The following ANKRD50 variants were observed in gnomAD, a reference collection of about 807,000 sequenced individuals.
ANKRD50 encodes ankyrin repeat domain-containing protein 50.
A neutral mutation model predicts 112.0 loss-of-function variants in ANKRD50; 40 were observed. That is an observed-to-expected ratio of 0.36 (90% CI 0.28 to 0.46). The LOEUF is 0.46. Among genes scored for constraint, ANKRD50 ranks in the 20% least tolerant of loss-of-function variants. The probability of loss-of-function intolerance (pLI) is 1.00; values close to 1 mark genes in which losing one functional copy is unlikely to be tolerated. For missense variants in ANKRD50, 1,487 were observed against 1,701.7 expected, an observed-to-expected ratio of 0.87 and a Z score of 2.22; for synonymous variants, 613 against 619.1, an observed-to-expected ratio of 0.99 and a Z score of 0.15.
intron 3 of ANKRD50, among the ~76,000 whole-genome samples, chr4:124,677,332 A>G (rs1730795671): frequency 6.6e-6 from 1 of 151,790 alleles, no homozygotes; most frequent in Non-Finnish European, 1.5e-5. Context: ...ATGAACAAAT[A>G]TGTTCATGAA....
At chr4:124,682,322 C>CAAAAA (rs36107017) in intron 2 of ANKRD50, among the ~76,000 whole-genome samples, 24 of 87,576 alleles carry the variant, frequency 2.7e-4, no homozygotes, top group African/African-American at 3.6e-4. Flanking sequence ...GACTCCGTCT[C>CAAAAA]AAAAAAAAAA....
chr4:124,669,014 G>A lies in ANKRD50; in HGVS notation c.4263C>T (p.Phe1421=). ...KLQIEGSDPS[F]NYKKETPL ...ATAATGGTGTTTCCTTTTTATAGTT[G>A]AAGCTAGGGTCAGAACCTTCAATCT... The change falls in exon 4 of 5, where the codon TTC becomes TTT. Residue 1421 remains phenylalanine (F), a synonymous_variant. Coordinates refer to ENST00000504087, the MANE Select transcript of ANKRD50 (RefSeq NM_020337.3). 1 of 1,605,090 alleles carries A rather than the reference G, an allele frequency of 6.2e-7. No homozygotes were observed. The highest frequency in any genetic ancestry group is 8.5e-7 in the Non-Finnish European group (1 of 1,177,694).
intron 3 of ANKRD50, among the ~76,000 whole-genome samples, chr4:124,677,097 G>C (rs776846906): frequency 2.6e-5 from 4 of 151,632 alleles, no homozygotes; most frequent in Admixed American, 6.6e-5. Flanking sequence ...TTGACAATAT[G>C]TATTAATAAC....
At chr4:124,685,312 G>A (rs1472969399) in intron 2 of ANKRD50, among the ~76,000 whole-genome samples, 3 of 151,972 alleles carry the variant, frequency 2.0e-5, no homozygotes, top group Non-Finnish European at 4.4e-5. Context: ...GATACTTGAT[G>A]GAAAAAGTTT....
intron 2 of ANKRD50, among the ~76,000 whole-genome samples, chr4:124,709,441 T>G (rs1007374715): frequency 6.6e-6 from 1 of 152,132 alleles, no homozygotes; most frequent in African/African-American, 2.4e-5. Context: ...AAATGTTCGC[T>G]ATTTTATAAA....
chr4:124,672,327 A>C lies in ANKRD50; in HGVS notation c.950T>G (p.Phe317Cys), dbSNP rs1160864694. 1 of 1,613,280 alleles carries C rather than the reference A, an allele frequency of 6.2e-7. No homozygotes were observed. Among genetic ancestry groups the C allele is most frequent in the African/African-American group, 1.3e-5 (1 of 74,844 alleles). Residue 317 changes from phenylalanine (F) to cysteine (C), a missense_variant, in exon 4 of 5, where the codon TTT becomes TGT. Phe to Cys is a radical substitution (Grantham distance 205, BLOSUM62 -2). Transcript: ENST00000504087. ...GTCACGAATTTCTCTTAACATAATA[A>C]AATTTTCTACAACTCCATCTAAAAC... ...ERVLDGVVEN[F>C]IMLREIRDIP...
In ANKRD50 at chr4:124,669,164, G is replaced by A. The variant is rs773870129; in HGVS notation, c.4113C>T (p.Ser1371=). 3 of 1,613,606 alleles carry A rather than the reference G, an allele frequency of 1.9e-6. No homozygotes were observed. In the South Asian group the frequency reaches 3.3e-5, roughly 18 times the overall value. The change falls in exon 4 of 5, where the codon AGC becomes AGT. Residue 1371 remains serine, a synonymous_variant. Coordinates refer to ENST00000504087, the MANE Select transcript of ANKRD50 (RefSeq NM_020337.3). The stretch of plus-strand genomic sequence containing the variant: ...AAACCCTACCAAGAAAAACCTGGTT[G>A]CTCTGAAGATGATAATTTGGATTTG... ...IMTNPNYHLQ[S]NQVFLGRVSV... is the part of the protein sequence containing the mutation.
Position 124,669,859 on chromosome 4 carries a change from T to C in ANKRD50, c.3418A>G (p.Ser1140Gly), listed in dbSNP as rs1481241546. The C allele has an allele frequency of 2.9e-5, 46 of 1,612,838 alleles. No homozygotes were observed. The highest frequency in any genetic ancestry group is 3.9e-5 in the Non-Finnish European group (46 of 1,179,694). ...SLTIKSNSSG[S>G]TGGGDMQPSL... Reference sequence around the variant, plus strand: ...GGCTGCATATCCCCTCCACCAGTACTACCAGAGCTATTTGATTTAATTGTT... The same window carrying C: ...GGCTGCATATCCCCTCCACCAGTACCACCAGAGCTATTTGATTTAATTGTT... Residue 1140 changes from serine (S) to glycine (G), a missense_variant, in exon 4 of 5, where the codon AGT becomes GGT. By Grantham distance (56) the Ser-to-Gly change is moderately conservative. Coordinates refer to ENST00000504087, the MANE Select transcript of ANKRD50 (RefSeq NM_020337.3).
In ANKRD50 at chr4:124,699,813, A is replaced by G. The variant is rs964012506; in HGVS notation, c.512+10187T>C. 5.9e-5 allele frequency among the ~76,000 whole-genome samples: 9 copies of G among 151,984 alleles called. No individual in the cohort carries two copies. In the South Asian group the frequency reaches 6.2e-4, roughly 11 times the overall value. ...AAACCATGGACTACTTAAAAACTGA[A>G]CATGGCTAAAGCAATAAAAATTACC... On this transcript the variant is annotated intron_variant, in intron 2 of 4. Coordinates refer to ENST00000504087, the MANE Select transcript of ANKRD50 (RefSeq NM_020337.3).
chr4:124,707,551 T>C (rs1431904332), intron 2 of ANKRD50, among the ~76,000 whole-genome samples: 1 of 152,102 alleles, frequency 6.6e-6, no homozygotes, highest in Non-Finnish European at 1.5e-5. Flanking sequence ...AGTGTTTCAA[T>C]ACCATAGTTC....
chr4:124,702,129 G>A (rs1316403826), intron 2 of ANKRD50, among the ~76,000 whole-genome samples: 1 of 152,192 alleles, frequency 6.6e-6, no homozygotes, highest in African/African-American at 2.4e-5. Context: ...GCTCTGTGAG[G>A]TTATAGAAAC....
intron 2 of ANKRD50, among the ~76,000 whole-genome samples, chr4:124,687,369 C>T (rs148266775): frequency 1.4e-4 from 22 of 151,986 alleles, no homozygotes; most frequent in Admixed American, 1.2e-3. Context: ...TCTCTCACCC[C>T]GTCCCACAAA....
At chr4:124,711,941 AAAG>A (rs905053967) in intron 1 of ANKRD50, among the ~76,000 whole-genome samples, 21 of 152,150 alleles carry the variant, frequency 1.4e-4, no homozygotes, top group African/African-American at 5.1e-4. Context: ...GGAAAGGGAT[AAAG>A]AGTAGAGTGC....
At chr4:124,677,171 A>C (rs1029317743) in intron 3 of ANKRD50, among the ~76,000 whole-genome samples, 1 of 151,792 alleles carries the variant, frequency 6.6e-6, no homozygotes, top group African/African-American at 2.4e-5. Flanking sequence ...AGTGGTGGTC[A>C]CATGTTTATA....
At chr4:124,667,603 T>C (rs769132596) in intron 4 of ANKRD50, 89 bp from the exon 5 acceptor site, 1 of 152,084 alleles carries the variant, frequency 6.6e-6, no homozygotes, top group African/African-American at 2.4e-5. Flanking sequence ...CATTTACCTC[T>C]ATATATCTTT....
chr4:124,709,441 T>C (rs1007374715), intron 2 of ANKRD50, among the ~76,000 whole-genome samples: 4 of 152,132 alleles, frequency 2.6e-5, no homozygotes, highest in African/African-American at 7.2e-5. Flanking sequence ...AAATGTTCGC[T>C]ATTTTATAAA....
intron 2 of ANKRD50, among the ~76,000 whole-genome samples, chr4:124,681,137 C>T: frequency 6.6e-6 from 1 of 151,768 alleles, no homozygotes; most frequent in East Asian, 1.9e-4. Flanking sequence ...GAGGCCAATG[C>T]TTAGAACTTA....
At position 124,669,715 on chromosome 4, in the gene ANKRD50, T is replaced by G. The variant is rs1226513466; in HGVS notation, c.3562A>C (p.Lys1188Gln). Residue 1188 changes from lysine to glutamine, a missense_variant, in exon 4 of 5, where the codon AAA (lysine) becomes CAA (glutamine). Lys to Gln is a moderately conservative substitution (Grantham distance 53, BLOSUM62 1). Coordinates refer to ENST00000504087, the MANE Select transcript of ANKRD50 (RefSeq NM_020337.3). The stretch of plus-strand genomic sequence containing the variant: ...GAAGTAGTTCTCAAAGATGAATTTT[T>G]TGAGCTTTTCAGGGAATTATTTGAC... ...SLSNNSLKSS[K>Q]NSSLRTTSST... 6.2e-7 allele frequency: 1 copy of G among 1,613,290 alleles called. No individual in the cohort carries two copies. The highest frequency in any genetic ancestry group is 2.2e-5 in the East Asian group (1 of 44,840).
intron 2 of ANKRD50, among the ~76,000 whole-genome samples, chr4:124,684,696 G>A (rs1268291463): frequency 6.6e-6 from 1 of 152,138 alleles, no homozygotes; most frequent in Non-Finnish European, 1.5e-5. Flanking sequence ...ATTAGATTGA[G>A]GTTTGGGATT....
Sources: gnomAD v4.1 joint callset for allele counts (sites outside exome capture counted in the v4.1 genomes callset) on GRCh38, gnomAD v4.1.1 for gene constraint, MANE v1.5 for transcripts, NCBI Gene and HGNC (gene_info 2026-07-23, HGNC 2026-07-21) for gene names.